Variants in NDST4 observed in about 807,000 individuals in gnomAD.
NDST4 encodes the protein N-deacetylase and N-sulfotransferase 4.
A neutral mutation model predicts 100.8 loss-of-function variants in NDST4; 63 were observed. The observed-to-expected ratio is 0.62, with a 90% CI of 0.51 to 0.77. The LOEUF is 0.77. Ranked by LOEUF, NDST4 falls within the 30% of genes least tolerant of loss-of-function variation. The probability of loss-of-function intolerance (pLI) is 0.00; values close to 1 mark genes in which losing one functional copy is unlikely to be tolerated. For missense variants in NDST4, 943 were observed against 1,018.4 expected, an observed-to-expected ratio of 0.93 and a Z score of 1.01; for synonymous variants, 377 against 361.8, an observed-to-expected ratio of 1.04 and a Z score of -0.48.
At chr4:114,898,314 A>AT (rs960139892) in intron 6 of NDST4, among the ~76,000 whole-genome samples, 5 of 151,978 alleles carry the variant, frequency 3.3e-5, no homozygotes, top group African/African-American at 1.2e-4. Context: ...AAAAGATTAT[A>AT]TTTTTTTCAA....
At chr4:114,986,793 C>CATACATACATATATATAT (rs1553959380) in intron 2 of NDST4, among the ~76,000 whole-genome samples, 3 of 91,146 alleles carry the variant, frequency 3.3e-5, no homozygotes, top group African/African-American at 1.4e-4. Context: ...TCCAATTATA[C>CATACATACATATATATAT]ATATATATAT....
In NDST4 at chr4:114,867,373, T is replaced by C. The variant is rs142821747; in HGVS notation, c.1719+3395A>G. Among the ~76,000 whole-genome samples the C allele has an allele frequency of 1.5e-3, 223 of 152,220 alleles. 4 individuals carry two copies. The highest frequency in any genetic ancestry group is 0.014 in the East Asian group (72 of 5,178). ...TTAACCACCTAAGGTTAGTGCTCTGTGGTTTATTTTCCCACTTCTTTAACC... is the reference window on the plus strand; with the variant it reads ...TTAACCACCTAAGGTTAGTGCTCTGCGGTTTATTTTCCCACTTCTTTAACC... On this transcript the variant is annotated intron_variant, in intron 7 of 13. Coordinates refer to ENST00000264363, the MANE Select transcript of NDST4 (RefSeq NM_022569.3).
intron 8 of NDST4, among the ~76,000 whole-genome samples, chr4:114,851,483 C>G (rs1723675132): frequency 6.6e-6 from 1 of 152,050 alleles, no homozygotes; most frequent in African/African-American, 2.4e-5. Context: ...AGCTTAATGT[C>G]TTTATGAATG....
At chr4:114,870,982 A>G (rs1414447845) in intron 6 of NDST4, 32 bp from the exon 7 acceptor site, 1 of 1,560,476 alleles carries the variant, frequency 6.4e-7, no homozygotes, top group African/African-American at 1.4e-5. Context: ...CCACAAAAAT[A>G]TCATATGCTT....
chr4:114,896,392 G>T (rs1027258067), intron 6 of NDST4, among the ~76,000 whole-genome samples: 5 of 152,032 alleles, frequency 3.3e-5, no homozygotes, highest in Admixed American at 6.5e-5. Flanking sequence ...GGGAGGCCGA[G>T]GTGGGTGGAT....
intron 2 of NDST4, among the ~76,000 whole-genome samples, chr4:114,981,662 A>G (rs115646148): frequency 3.9e-4 from 59 of 152,340 alleles, no homozygotes; most frequent in African/African-American, 1.4e-3. Context: ...CATCACCATT[A>G]GAACATTAGT....
At chr4:115,016,528 A>C (rs1727680184) in intron 2 of NDST4, among the ~76,000 whole-genome samples, 1 of 152,092 alleles carries the variant, frequency 6.6e-6, no homozygotes, top group African/African-American at 2.4e-5. Context: ...CAATGATTCC[A>C]CTGAATTAGC....
intron 2 of NDST4, among the ~76,000 whole-genome samples, chr4:114,997,992 A>G (rs933393480): frequency 7.2e-5 from 11 of 152,048 alleles, no homozygotes; most frequent in African/African-American, 2.7e-4. Context: ...GGCATATATA[A>G]TATGTTGTGG....
chr4:115,111,356 C>T (rs1398479496), intron 1 of NDST4, among the ~76,000 whole-genome samples: 1 of 151,482 alleles, frequency 6.6e-6, no homozygotes, highest in African/African-American at 2.4e-5. Context: ...ATGAAAGATC[C>T]TTATTTTCCT....
intron 8 of NDST4, among the ~76,000 whole-genome samples, chr4:114,851,748 G>T (rs1288779955): frequency 1.3e-5 from 2 of 152,088 alleles, no homozygotes; most frequent in Non-Finnish European, 2.9e-5. Context: ...AATATGTGTT[G>T]CTCTTTCCCC....
At chr4:114,905,561 T>C (rs1724932883) in intron 6 of NDST4, among the ~76,000 whole-genome samples, 1 of 151,940 alleles carries the variant, frequency 6.6e-6, no homozygotes, top group Non-Finnish European at 1.5e-5. Flanking sequence ...GTCAAGCTGA[T>C]TTCAATAGCA....
intron 2 of NDST4, among the ~76,000 whole-genome samples, chr4:115,060,293 T>C (rs948772724): frequency 1.9e-4 from 29 of 152,088 alleles, no homozygotes; most frequent in African/African-American, 6.5e-4. Context: ...GATGTCTCAA[T>C]TTGGCAAAAG....
chr4:115,054,795 C>A (rs1053526755), intron 2 of NDST4, among the ~76,000 whole-genome samples: 1 of 152,124 alleles, frequency 6.6e-6, no homozygotes, highest in Non-Finnish European at 1.5e-5. Context: ...GAAATTTTAG[C>A]TCCTTGTTTC....
intron 6 of NDST4, among the ~76,000 whole-genome samples, chr4:114,882,190 C>T (rs528036593): frequency 1.3e-5 from 2 of 149,586 alleles, no homozygotes; most frequent in Non-Finnish European, 3.0e-5. Flanking sequence ...CTTAGCTTTT[C>T]ATGACAAAAC....
rs1037568735 is a variant in NDST4, at chr4:114,910,021, G to A, written c.1536+25185C>T. Among the ~76,000 whole-genome samples, 3 of 152,212 alleles carry A rather than the reference G, an allele frequency of 2.0e-5. No individual in the cohort carries two copies. The East Asian group carries it at 5.8e-4, about 29-fold the overall frequency. On this transcript the variant is annotated intron_variant, in intron 6 of 13. Coordinates refer to ENST00000264363, the MANE Select transcript of NDST4 (RefSeq NM_022569.3). ...AGAGCTGTATTTATTAGCTTATCTTGTCTGTTAAACATTTATGAGCTAGTT... is the reference window on the plus strand; with the variant it reads ...AGAGCTGTATTTATTAGCTTATCTTATCTGTTAAACATTTATGAGCTAGTT...
At chr4:114,995,846 T>C (rs75578517) in intron 2 of NDST4, among the ~76,000 whole-genome samples, 2,277 of 152,224 alleles carry the variant, frequency 0.015, 66 homozygotes, top group African/African-American at 0.051. Context: ...ACTGACTGGC[T>C]GAGTGAGTTT....
At chr4:115,022,741 G>T (rs1727885902) in intron 2 of NDST4, among the ~76,000 whole-genome samples, 1 of 152,024 alleles carries the variant, frequency 6.6e-6, no homozygotes, top group Non-Finnish European at 1.5e-5. Context: ...TGAATTATGA[G>T]GGCGGGTCTT....
chr4:114,993,939 T>G (rs1727105740), intron 2 of NDST4, among the ~76,000 whole-genome samples: 1 of 152,022 alleles, frequency 6.6e-6, no homozygotes, highest in Admixed American at 6.6e-5. Context: ...AGTATGATGC[T>G]TCCTCTATTC....
chr4:115,027,611 TTTTG>T (rs781067041), intron 2 of NDST4, among the ~76,000 whole-genome samples: 11 of 152,154 alleles, frequency 7.2e-5, no homozygotes, highest in East Asian at 1.9e-4. Flanking sequence ...CAGATACAAA[TTTTG>T]TTTATTTCCT....
Sources: allele counts gnomAD v4.1 joint callset (sites outside exome capture counted in the v4.1 genomes callset), GRCh38; gene constraint gnomAD v4.1.1; transcripts MANE v1.5; gene names NCBI Gene and HGNC (gene_info 2026-07-23, HGNC 2026-07-21).